Variants in MINK1 observed in about 807,000 individuals in gnomAD.
MINK1 encodes the protein misshapen like kinase 1, also known as misshapen-like kinase 1.
A neutral mutation model predicts 178.4 loss-of-function variants in MINK1; 46 were observed. The observed-to-expected ratio is 0.26, with a 90% CI of 0.20 to 0.33. The LOEUF (loss-of-function observed/expected upper bound fraction) is 0.33. Among genes scored for constraint, MINK1 ranks in the 10% least tolerant of loss-of-function variants. The pLI, the probability that MINK1 is intolerant of heterozygous loss-of-function variation, is 1.00. For synonymous variants in MINK1, 797 were observed against 709.7 expected, an observed-to-expected ratio of 1.12 and a Z score of -1.96; for missense variants, 1,366 against 1,814.9, an observed-to-expected ratio of 0.75 and a Z score of 4.49.
chr17:4,848,446 C>G (rs983839581), intron 1 of MINK1, among the ~76,000 whole-genome samples: 1 of 152,176 alleles, frequency 6.6e-6, no homozygotes, highest in Non-Finnish European at 1.5e-5. Flanking sequence ...CTGCAAACTC[C>G]GCCTGCCAGG....
chr17:4,858,038 G>A (rs1329147465), intron 1 of MINK1, among the ~76,000 whole-genome samples: 1 of 152,178 alleles, frequency 6.6e-6, no homozygotes, highest in African/African-American at 2.4e-5. Flanking sequence ...TACAGATGGG[G>A]TTTAGGGTTA....
At chr17:4,848,676 T>C (rs370763590) in intron 1 of MINK1, among the ~76,000 whole-genome samples, 4 of 152,066 alleles carry the variant, frequency 2.6e-5, no homozygotes, top group African/African-American at 9.6e-5. Context: ...TTGTATTTTT[T>C]AGTAGAGATG....
chr17:4,840,071 A>G (rs182424500), intron 1 of MINK1, among the ~76,000 whole-genome samples: 10 of 152,054 alleles, frequency 6.6e-5, no homozygotes, highest in African/African-American at 2.4e-4. Flanking sequence ...ATATGTTCTC[A>G]GGATCTCCTG....
intron 1 of MINK1, among the ~76,000 whole-genome samples, chr17:4,862,935 T>C (rs982991493): frequency 2.0e-5 from 3 of 151,990 alleles, no homozygotes; most frequent in Non-Finnish European, 1.5e-5. Context: ...CTCAGGAAGC[T>C]GAGGTGGGAG....
intron 1 of MINK1, among the ~76,000 whole-genome samples, chr17:4,866,471 TA>T (rs960807944): frequency 2.7e-3 from 366 of 134,742 alleles, no homozygotes; most frequent in East Asian, 3.7e-3. Context: ...GTCTCAAAAT[TA>T]AAAAAAAAAA....
At chr17:4,891,750 G>T (rs928361609) in intron 16 of MINK1, 34 bp downstream of exon 16, 2 of 1,576,080 alleles carry the variant, frequency 1.3e-6, no homozygotes, top group Non-Finnish European at 1.7e-6. Flanking sequence ...GGGAAAAGCA[G>T]AGAGCTAGTC....
chr17:4,876,042 G>A (rs530478009), intron 1 of MINK1, among the ~76,000 whole-genome samples: 2 of 152,056 alleles, frequency 1.3e-5, no homozygotes, highest in African/African-American at 4.8e-5. Context: ...TGATCTGCCC[G>A]CTTCAGCCTC....
At chr17:4,891,960 C>T (rs1968865366) in intron 16 of MINK1, among the ~76,000 whole-genome samples, 189 bp from the exon 17 acceptor site, 1 of 152,128 alleles carries the variant, frequency 6.6e-6, no homozygotes, top group African/African-American at 2.4e-5. Flanking sequence ...AAGGGGCAGA[C>T]TTTGCCAGTT....
intron 1 of MINK1, among the ~76,000 whole-genome samples, chr17:4,871,616 A>G (rs1184424308): frequency 1.3e-5 from 2 of 152,120 alleles, no homozygotes; most frequent in African/African-American, 4.8e-5. Context: ...TTGGTTGTTA[A>G]TAATCCTCCT....
At chr17:4,849,290 A>T (rs1271783434) in intron 1 of MINK1, among the ~76,000 whole-genome samples, 1 of 152,172 alleles carries the variant, frequency 6.6e-6, no homozygotes, top group Non-Finnish European at 1.5e-5. Context: ...TTTTCTGTAA[A>T]AGCTCTGGAC....
At chr17:4,849,892 C>G (rs1911663821) in intron 1 of MINK1, among the ~76,000 whole-genome samples, 1 of 152,112 alleles carries the variant, frequency 6.6e-6, no homozygotes, top group Non-Finnish European at 1.5e-5. Flanking sequence ...TTAAACATCA[C>G]TTCCTTAGCG....
rs1968367678 is a variant in MINK1, at chr17:4,887,901, C to G, written c.1230+111C>G. On this transcript the variant is annotated intron_variant, in intron 12 of 31. Coordinates refer to ENST00000355280, the MANE Select transcript of MINK1 (RefSeq NM_153827.5). This position sits in a 1 kb window ranked among gnomAD's most constrained non-coding sequence, Gnocchi z 7.6. Reference sequence around the variant, plus strand: ...AAAATGCCTTAAATGAATGGCATTTCTGTTGAAACAATTATATGATTTCAA... The same window carrying G: ...AAAATGCCTTAAATGAATGGCATTTGTGTTGAAACAATTATATGATTTCAA... The G allele has an allele frequency of 3.7e-6, 3 of 808,136 alleles. No individual in the cohort carries two copies. In the Admixed American group the frequency reaches 1.1e-4, roughly 29 times the overall value. 50.1% of individuals were successfully genotyped at this position (808,136 alleles called of 1,614,324 possible).
At position 4,896,237 on chromosome 17, in the gene MINK1, A is replaced by G. The variant is rs747793324; in HGVS notation, c.3510A>G (p.Thr1170=). Residue 1170 remains threonine, a synonymous_variant, in exon 29 of 32, where the codon ACA becomes ACG. Transcript: ENST00000355280. This position sits in a 1 kb window ranked among gnomAD's most constrained non-coding sequence, Gnocchi z 4.6. The stretch of plus-strand genomic sequence containing the variant: ...ACCGCCCTCTGCTGGTCGACCTGAC[A>G]GTAGAGGAGGGGCAGCGGCTCAAGG... ...LPHRPLLVDL[T]VEEGQRLKVI... The G allele has an allele frequency of 9.3e-6, 15 of 1,605,288 alleles. No individual in the cohort carries two copies. The East Asian group carries it at 1.8e-4, about 19-fold the overall frequency.
intron 13 of MINK1, 193 bp from the exon 14 acceptor site, chr17:4,890,324 G>A (rs1470428954): frequency 2.0e-5 from 28 of 1,414,544 alleles, no homozygotes; most frequent in Non-Finnish European, 2.6e-5. Context: ...GGGTCCCTCA[G>A]CGTCCTCTGG....
intron 1 of MINK1, among the ~76,000 whole-genome samples, chr17:4,872,885 C>G (rs1235751015): frequency 2.0e-5 from 3 of 152,206 alleles, no homozygotes; most frequent in Non-Finnish European, 4.4e-5. Context: ...GCTGCCAGCT[C>G]TAGCTGTCAT....
chr17:4,834,974 T>G (rs1220171425), intron 1 of MINK1, among the ~76,000 whole-genome samples: 1 of 152,152 alleles, frequency 6.6e-6, no homozygotes, highest in Non-Finnish European at 1.5e-5. Flanking sequence ...TTTCTTCCCA[T>G]TTTCAGGTCA....
At chr17:4,873,790 T>G (rs1388039197) in intron 1 of MINK1, among the ~76,000 whole-genome samples, 1 of 152,036 alleles carries the variant, frequency 6.6e-6, no homozygotes, top group Non-Finnish European at 1.5e-5. Flanking sequence ...AGATGATTTT[T>G]GTATTTTTTA....
chr17:4,841,376 C>T (rs1352577491), intron 1 of MINK1, among the ~76,000 whole-genome samples: 1 of 152,032 alleles, frequency 6.6e-6, no homozygotes, highest in African/African-American at 2.4e-5. Context: ...CTTGGGTTGC[C>T]GAATTGCTCC....
Position 4,894,276 on chromosome 17 carries a change from G to A in MINK1, c.2773G>A (p.Gly925Ser), listed in dbSNP as rs1969191437. 1.2e-6 allele frequency: 2 copies of A among 1,613,168 alleles called. No individual in the cohort carries two copies. The highest frequency in any genetic ancestry group is 2.2e-5 in the East Asian group (1 of 44,866). Residue 925 changes from glycine to serine, a missense_variant, in exon 23 of 32, where the codon GGC becomes AGC. By Grantham distance (56) the Gly-to-Ser change is moderately conservative. This residue lies in a region of MINK1 where 709 missense variants were observed against 692.3 expected (regional missense o/e 1.02). Transcript: ENST00000355280. This position sits in a 1 kb window ranked among gnomAD's most constrained non-coding sequence, Gnocchi z 4.1. ...CCACTCACCCACCGAGAACAGCAAA[G>A]GCCAAAGCCCACCCTCGAAGGATGG... is the stretch of plus-strand genomic sequence containing the variant. Reference protein sequence around the residue: ...PSHSPTENSKGQSPPSKDGSG... With the variant: ...PSHSPTENSKSQSPPSKDGSG...
Sources: gnomAD v4.1 joint callset for allele counts (sites outside exome capture counted in the v4.1 genomes callset) on GRCh38, gnomAD v4.1.1 for gene constraint, gnomAD v4.1.1 regional missense constraint, Gnocchi (gnomAD v3.1) non-coding constraint, MANE v1.5 for transcripts, NCBI Gene and HGNC (gene_info 2026-07-23, HGNC 2026-07-21) for gene names.